Variants in FYN observed in about 807,000 individuals in gnomAD.
The protein encoded by FYN is tyrosine-protein kinase Fyn.
Under a neutral mutation model 70.2 loss-of-function variants are expected in FYN, and 10 were observed. The observed-to-expected ratio is 0.14, with a 90% CI of 0.09 to 0.24. The LOEUF (loss-of-function observed/expected upper bound fraction) is 0.24. FYN is among the 10% of genes least tolerant of loss of function. FYN has a pLI of 1.00. For missense variants in FYN, 319 were observed against 673.1 expected (o/e 0.47, Z 5.82); for synonymous variants, 236 against 248.6 (o/e 0.95, Z 0.48).
At position 111,661,685 on chromosome 6, in the gene FYN, T is replaced by A. The variant is rs1473311033; in HGVS notation, c.*54A>T. On this transcript the variant is annotated 3_prime_UTR_variant, in exon 14 of 14. Coordinates refer to ENST00000354650, the MANE Select transcript of FYN (RefSeq NM_002037.5). The surrounding 1 kb of genome is among the most constrained non-coding windows in gnomAD (Gnocchi z 4.0). ...AGCTGGCTACGGAATTGAAAGCTAA[T>A]GGGGAGGGGTGGGGCAGCCTCTGGG... 3 of 1,515,910 alleles carry A rather than the reference T, an allele frequency of 2.0e-6. No individual in the cohort carries two copies. Among genetic ancestry groups the A allele is most frequent in the Non-Finnish European group, 2.7e-6 (3 of 1,106,650 alleles). 93.9% of individuals were successfully genotyped at this position (1,515,910 alleles called of 1,614,324 possible). A position where few individuals can be genotyped will look rare whatever the true frequency, so the allele number is the denominator to read the frequency against.
At chr6:111,846,104 G>T (rs1024419587) in intron 2 of FYN, among the ~76,000 whole-genome samples, 2 of 152,188 alleles carry the variant, frequency 1.3e-5, no homozygotes, top group African/African-American at 4.8e-5. Flanking sequence ...TTACATTAAT[G>T]AAAGAATGAC....
rs192334136 is a variant in FYN, at chr6:111,661,595, A to G, written c.*144T>C. On this transcript the variant is annotated 3_prime_UTR_variant, in exon 14 of 14. Coordinates refer to ENST00000354650, the MANE Select transcript of FYN (RefSeq NM_002037.5). The surrounding 1 kb of genome is among the most constrained non-coding windows in gnomAD (Gnocchi z 4.0). ...GGGACAAGTGTCATTAATGAGGGCC[A>G]TGGAAGTTCGTCAGCTTCAGAGTCA... 7 of 723,340 alleles carry G rather than the reference A, an allele frequency of 9.7e-6. No homozygotes were observed. In the Admixed American group the frequency reaches 1.5e-4, roughly 16 times the overall value. 44.8% of individuals were successfully genotyped at this position (723,340 alleles called of 1,614,324 possible). A position where few individuals can be genotyped will look rare whatever the true frequency, so the allele number is the denominator to read the frequency against.
chr6:111,676,914 A>C (rs1190670950), intron 12 of FYN, among the ~76,000 whole-genome samples: 1 of 152,248 alleles, frequency 6.6e-6, no homozygotes, highest in Non-Finnish European at 1.5e-5. Context: ...GATTAAAAAA[A>C]ACCAACGGCA....
intron 3 of FYN, among the ~76,000 whole-genome samples, chr6:111,771,739 GAA>G (rs1364409797): frequency 1.3e-5 from 2 of 152,236 alleles, no homozygotes; most frequent in Non-Finnish European, 2.9e-5. Context: ...CACCGCCATT[GAA>G]AAGTCGGAAT....
At chr6:111,715,021 G>A (rs1157797338) in intron 4 of FYN, among the ~76,000 whole-genome samples, 16 of 151,940 alleles carry the variant, frequency 1.1e-4, no homozygotes, top group Admixed American at 9.8e-4. Context: ...TGTGCTGCTC[G>A]CCCCACTGCT....
intron 2 of FYN, among the ~76,000 whole-genome samples, 186 bp downstream of exon 2, chr6:111,846,403 C>A (rs887567954): frequency 1.3e-5 from 2 of 152,126 alleles, no homozygotes; most frequent in Non-Finnish European, 2.9e-5. Flanking sequence ...GTGGGTCCAC[C>A]AAAGGAGGTA....
At chr6:111,673,015 C>T (rs746552042) in intron 13 of FYN, among the ~76,000 whole-genome samples, 6 of 152,124 alleles carry the variant, frequency 3.9e-5, no homozygotes, top group East Asian at 1.9e-4. Flanking sequence ...TTCACAGAAA[C>T]GCAAAACAAC....
At chr6:111,769,929 T>G (rs913881402) in intron 3 of FYN, among the ~76,000 whole-genome samples, 16 of 152,074 alleles carry the variant, frequency 1.1e-4, no homozygotes, top group African/African-American at 3.1e-4. Flanking sequence ...ACCAAGCATC[T>G]CTCTGTAATT....
At chr6:111,858,629 CA>C (rs1359868897) in intron 1 of FYN, among the ~76,000 whole-genome samples, 1 of 152,100 alleles carries the variant, frequency 6.6e-6, no homozygotes, top group South Asian at 2.1e-4. Flanking sequence ...TTTTGGAAGT[CA>C]AAAGCTGAAC....
At chr6:111,853,083 G>A (rs1583495057) in intron 1 of FYN, among the ~76,000 whole-genome samples, 1 of 150,492 alleles carries the variant, frequency 6.6e-6, no homozygotes, top group East Asian at 1.9e-4. Context: ...AAATCACCCA[G>A]AGCAGCACCT....
At chr6:111,678,979 C>A (rs539792807) in intron 12 of FYN, among the ~76,000 whole-genome samples, 3 of 152,276 alleles carry the variant, frequency 2.0e-5, no homozygotes, top group South Asian at 4.1e-4. Flanking sequence ...CATGTCCCCC[C>A]CTGGGTTTCT....
At chr6:111,853,533 G>A (rs181772440) in intron 1 of FYN, among the ~76,000 whole-genome samples, 1 of 152,264 alleles carries the variant, frequency 6.6e-6, no homozygotes, top group African/African-American at 2.4e-5. Flanking sequence ...TCTTGCTTGG[G>A]CTGTGGCAAA....
At chr6:111,672,898 C>T (rs910603615) in intron 13 of FYN, among the ~76,000 whole-genome samples, 5 of 152,162 alleles carry the variant, frequency 3.3e-5, no homozygotes, top group African/African-American at 1.2e-4. Flanking sequence ...CTCAGAAACA[C>T]GCACCTGCCT....
At chr6:111,695,227 G>GCCTA (rs777204333) in intron 10 of FYN, among the ~76,000 whole-genome samples, 2 of 151,876 alleles carry the variant, frequency 1.3e-5, no homozygotes, top group African/African-American at 4.9e-5. Flanking sequence ...TTTTAAGAAG[G>GCCTA]CCTACAGGTG....
At chr6:111,821,688 T>C (rs1772667769) in intron 2 of FYN, among the ~76,000 whole-genome samples, 1 of 151,706 alleles carries the variant, frequency 6.6e-6, no homozygotes, top group Non-Finnish European at 1.5e-5. Flanking sequence ...ACCATCAGAG[T>C]GAACGGGCAA....
At chr6:111,828,843 T>C (rs1312472651) in intron 2 of FYN, among the ~76,000 whole-genome samples, 1 of 152,226 alleles carries the variant, frequency 6.6e-6, no homozygotes, top group Non-Finnish European at 1.5e-5. Context: ...GTGAATACAC[T>C]TAACACAACT....
intron 12 of FYN, among the ~76,000 whole-genome samples, chr6:111,685,251 G>C (rs1316397517): frequency 1.3e-5 from 2 of 152,236 alleles, no homozygotes; most frequent in East Asian, 3.8e-4. Context: ...AAGGGGCAGA[G>C]GGCCCGTGTC....
At chr6:111,687,205 T>C (rs1162687368) in intron 12 of FYN, among the ~76,000 whole-genome samples, 6 of 152,232 alleles carry the variant, frequency 3.9e-5, no homozygotes, top group Non-Finnish European at 8.8e-5. Flanking sequence ...ATAATTAACA[T>C]GAAAACTGCA....
chr6:111,788,560 A>G (rs1771489074), intron 2 of FYN, among the ~76,000 whole-genome samples: 1 of 152,204 alleles, frequency 6.6e-6, no homozygotes, highest in Non-Finnish European at 1.5e-5. Context: ...ACTCCCCTCC[A>G]AAGCTCTCTG....
Sources: allele counts gnomAD v4.1 joint callset (sites outside exome capture counted in the v4.1 genomes callset), GRCh38; gene constraint gnomAD v4.1.1; non-coding constraint Gnocchi (gnomAD v3.1); transcripts MANE v1.5; gene names NCBI Gene and HGNC (gene_info 2026-07-23, HGNC 2026-07-21).